HS6ST3: variants seen among roughly 807,000 people sequenced by gnomAD.
HS6ST3 encodes heparan-sulfate 6-O-sulfotransferase 3.
A neutral mutation model predicts 36.7 loss-of-function variants in HS6ST3; 12 were observed. The ratio of observed to expected loss-of-function variants is 0.33; its 90% confidence interval spans 0.21 to 0.53. HS6ST3 has a LOEUF of 0.53. Ranked by LOEUF, HS6ST3 falls within the 20% of genes least tolerant of loss-of-function variation. The pLI is 0.95. For missense variants in HS6ST3, 584 were observed against 640.9 expected (o/e 0.91, Z 0.96); for synonymous variants, 240 against 257.5 (o/e 0.93, Z 0.65).
intron 1 of HS6ST3, among the ~76,000 whole-genome samples, chr13:96,148,127 G>T (rs1399242047): frequency 1.3e-5 from 2 of 152,064 alleles, no homozygotes; most frequent in African/African-American, 2.4e-5. Context: ...GAAGTGTTTT[G>T]GTTCTTTATT....
intron 1 of HS6ST3, among the ~76,000 whole-genome samples, chr13:96,675,548 G>GGAATGACAA (rs1201421116): frequency 6.6e-6 from 1 of 152,010 alleles, no homozygotes; most frequent in African/African-American, 2.4e-5. Flanking sequence ...TGTCATATCT[G>GGAATGACAA]TGGAATGACA....
Position 96,433,164 on chromosome 13 carries a change from G to T in HS6ST3, c.707+341595G>T, listed in dbSNP as rs146680416. Among the ~76,000 whole-genome samples the T allele has an allele frequency of 1.8e-3, 272 of 152,286 alleles. 2 individuals are homozygous for T. Among genetic ancestry groups the T allele is most frequent in the African/African-American group, 6.4e-3 (267 of 41,558 alleles). Reference sequence around the variant, plus strand: ...GAATGATAATAAAATTCTCGGTTCTGATAAGAAACAGTCAATAACAAGGTT... The same window carrying T: ...GAATGATAATAAAATTCTCGGTTCTTATAAGAAACAGTCAATAACAAGGTT... On this transcript the variant is annotated intron_variant, in intron 1 of 1. Coordinates refer to ENST00000376705, the MANE Select transcript of HS6ST3 (RefSeq NM_153456.4).
At chr13:96,166,321 C>T (rs116084862) in intron 1 of HS6ST3, among the ~76,000 whole-genome samples, 1,629 of 152,074 alleles carry the variant, frequency 0.011, 34 homozygotes, top group African/African-American at 0.038. Context: ...ACTGCTCTGA[C>T]CCCTTGGTTC....
intron 1 of HS6ST3, among the ~76,000 whole-genome samples, chr13:96,677,097 A>C (rs919022710): frequency 6.6e-6 from 1 of 152,150 alleles, no homozygotes; most frequent in Non-Finnish European, 1.5e-5. Context: ...AAATTTTCAG[A>C]TTAAGAAAAA....
chr13:96,687,999 T>C (rs953389993), intron 1 of HS6ST3, among the ~76,000 whole-genome samples: 2 of 148,140 alleles, frequency 1.4e-5, no homozygotes, highest in South Asian at 4.2e-4. Flanking sequence ...TTCTCACTCA[T>C]AGGTGGGAAT....
At chr13:96,234,036 G>T (rs74727890) in intron 1 of HS6ST3, among the ~76,000 whole-genome samples, 3 of 151,568 alleles carry the variant, frequency 2.0e-5, no homozygotes, top group Admixed American at 2.0e-4. Context: ...ACATACCCAC[G>T]TTCTGCAATG....
At chr13:96,353,729 T>A (rs923866915) in intron 1 of HS6ST3, among the ~76,000 whole-genome samples, 1 of 152,302 alleles carries the variant, frequency 6.6e-6, no homozygotes, top group Admixed American at 6.5e-5. Context: ...TTTGATTTCC[T>A]TACGTATAAA....
At chr13:96,668,812 A>G (rs906433639) in intron 1 of HS6ST3, among the ~76,000 whole-genome samples, 1 of 147,832 alleles carries the variant, frequency 6.8e-6, no homozygotes, top group Non-Finnish European at 1.5e-5. Context: ...TTCTATAAAG[A>G]TAGGAAATCC....
intron 1 of HS6ST3, among the ~76,000 whole-genome samples, chr13:96,372,866 A>AT (rs1566341045): frequency 1.3e-5 from 2 of 151,946 alleles, no homozygotes; most frequent in African/African-American, 4.8e-5. Flanking sequence ...TAGAATTTGG[A>AT]TTTTTTAAAA....
chr13:96,332,030 T>C (rs367701829), intron 1 of HS6ST3, among the ~76,000 whole-genome samples: 2,202 of 152,296 alleles, frequency 0.014, 26 homozygotes, highest in East Asian at 0.054. Flanking sequence ...ATGCCTCGCC[T>C]TGCTTCGGCT....
At chr13:96,604,215 G>A (rs908104436) in intron 1 of HS6ST3, among the ~76,000 whole-genome samples, 1 of 152,120 alleles carries the variant, frequency 6.6e-6, no homozygotes, top group Non-Finnish European at 1.5e-5. Flanking sequence ...ATATTTTAAT[G>A]AATAATGGGT....
chr13:96,552,252 T>C (rs1242834537), intron 1 of HS6ST3, among the ~76,000 whole-genome samples: 1 of 152,222 alleles, frequency 6.6e-6, no homozygotes, highest in Admixed American at 6.5e-5. Flanking sequence ...TTTACTTTTC[T>C]GAAGCTCTTT....
At chr13:96,604,984 G>A (rs2056433994) in intron 1 of HS6ST3, among the ~76,000 whole-genome samples, 1 of 152,116 alleles carries the variant, frequency 6.6e-6, no homozygotes, top group South Asian at 2.1e-4. Context: ...CCTGATTGGT[G>A]TAGTGAGAGG....
chr13:96,620,530 G>A (rs745400738), intron 1 of HS6ST3, among the ~76,000 whole-genome samples: 14 of 152,270 alleles, frequency 9.2e-5, no homozygotes, highest in South Asian at 2.1e-4. Context: ...CAAGGTTGAA[G>A]CCTTACTGTA....
At chr13:96,126,028 T>G (rs186990700) in intron 1 of HS6ST3, among the ~76,000 whole-genome samples, 3 of 152,276 alleles carry the variant, frequency 2.0e-5, no homozygotes, top group Admixed American at 2.0e-4. Flanking sequence ...GTCAAGATTC[T>G]GCTAGAACAT....
chr13:96,115,907 A>C (rs147706189), intron 1 of HS6ST3, among the ~76,000 whole-genome samples: 1 of 152,102 alleles, frequency 6.6e-6, no homozygotes, highest in African/African-American at 2.4e-5. Flanking sequence ...GCCAGCATCA[A>C]TTGTTTCTTG....
intron 1 of HS6ST3, among the ~76,000 whole-genome samples, chr13:96,439,760 G>T (rs1290644631): frequency 6.6e-6 from 1 of 152,162 alleles, no homozygotes; most frequent in East Asian, 1.9e-4. Flanking sequence ...ATGTCTAGAG[G>T]CTAGGGTTGT....
At chr13:96,271,586 A>G (rs1329995324) in intron 1 of HS6ST3, among the ~76,000 whole-genome samples, 1 of 151,894 alleles carries the variant, frequency 6.6e-6, no homozygotes, top group Non-Finnish European at 1.5e-5. Context: ...CCACTTAGAT[A>G]TTCTGAATGG....
chr13:96,421,665 T>G (rs1566356587), intron 1 of HS6ST3, among the ~76,000 whole-genome samples: 1 of 152,152 alleles, frequency 6.6e-6, no homozygotes, highest in Non-Finnish European at 1.5e-5. Flanking sequence ...CTGAGGTTCT[T>G]TCTTAGTAAT....
Sources: allele counts gnomAD v4.1 joint callset (sites outside exome capture counted in the v4.1 genomes callset), GRCh38; gene constraint gnomAD v4.1.1; transcripts MANE v1.5; gene names NCBI Gene and HGNC (gene_info 2026-07-23, HGNC 2026-07-21).